Variants in DPP10 observed in about 807,000 individuals in gnomAD.
The protein encoded by DPP10 is inactive dipeptidyl peptidase 10.
Under a neutral mutation model 120.9 loss-of-function variants are expected in DPP10, and 33 were observed. The ratio of observed to expected loss-of-function variants is 0.27; its 90% CI spans 0.21 to 0.37. The LOEUF (loss-of-function observed/expected upper bound fraction) is 0.37. Ranked by LOEUF, DPP10 falls within the 10% of genes least tolerant of loss-of-function variation. The probability of loss-of-function intolerance (pLI) is 1.00; values close to 1 mark genes in which losing one functional copy is unlikely to be tolerated. For missense variants in DPP10, 816 were observed against 942.8 expected (o/e 0.87, Z 1.76); for synonymous variants, 337 against 326.1 (o/e 1.03, Z -0.36).
intron 24 of DPP10, among the ~76,000 whole-genome samples, chr2:115,840,317 TGG>T (rs199688467): frequency 0.79 from 54,752 of 69,110 alleles, 23,891 homozygotes; most frequent in East Asian, 0.97. Context: ...TAAGGTTTTT[TGG>T]TTTTTTTTTT....
chr2:114,463,601 C>G (rs978154864), intron 1 of DPP10, among the ~76,000 whole-genome samples: 2 of 152,268 alleles, frequency 1.3e-5, no homozygotes, highest in Non-Finnish European at 2.9e-5. Flanking sequence ...ACAGTTACAT[C>G]TTTTTGTCGA....
intron 1 of DPP10, among the ~76,000 whole-genome samples, chr2:114,546,507 G>C (rs1352599457): frequency 6.6e-6 from 1 of 152,190 alleles, no homozygotes; most frequent in Non-Finnish European, 1.5e-5. Flanking sequence ...GGGATAGATA[G>C]CCAAACTATA....
intron 3 of DPP10, among the ~76,000 whole-genome samples, chr2:115,458,480 A>G (rs563089890): frequency 1.3e-5 from 2 of 152,174 alleles, no homozygotes; most frequent in South Asian, 4.1e-4. Context: ...CCTCTAGTTG[A>G]ACAAAACCTT....
At chr2:115,128,028 A>G (rs912009540) in intron 1 of DPP10, among the ~76,000 whole-genome samples, 1 of 152,200 alleles carries the variant, frequency 6.6e-6, no homozygotes, top group Non-Finnish European at 1.5e-5. Context: ...AAAAGTAAGA[A>G]AATGGTTTGT....
At chr2:115,374,868 G>A (rs1274751081) in intron 3 of DPP10, among the ~76,000 whole-genome samples, 2 of 152,218 alleles carry the variant, frequency 1.3e-5, no homozygotes, top group Admixed American at 1.3e-4. Context: ...AGGCTGCACA[G>A]AGCAGCTGGC....
intron 2 of DPP10, among the ~76,000 whole-genome samples, chr2:115,331,360 A>T (rs990554207): frequency 1.3e-5 from 2 of 152,186 alleles, no homozygotes; most frequent in Admixed American, 6.6e-5. Flanking sequence ...CAATGATGTC[A>T]TCTGCAAACA....
intron 1 of DPP10, among the ~76,000 whole-genome samples, chr2:115,000,318 C>T (rs563875975): frequency 9.9e-5 from 15 of 152,060 alleles, no homozygotes; most frequent in South Asian, 8.3e-4. Flanking sequence ...GAAACAAACA[C>T]GCATAAAAAA....
At chr2:115,412,006 T>G (rs2104587239) in intron 3 of DPP10, among the ~76,000 whole-genome samples, 1 of 152,280 alleles carries the variant, frequency 6.6e-6, no homozygotes, top group Non-Finnish European at 1.5e-5. Context: ...TTTCAGACAT[T>G]TATTAATGCT....
chr2:114,897,941 A>G (rs901466087), intron 1 of DPP10, among the ~76,000 whole-genome samples: 4 of 152,066 alleles, frequency 2.6e-5, no homozygotes, highest in Non-Finnish European at 4.4e-5. Context: ...TCAGTGTGGC[A>G]ATTCCTCAGG....
chr2:115,398,021 T>G (rs572185017), intron 3 of DPP10, among the ~76,000 whole-genome samples: 1 of 152,306 alleles, frequency 6.6e-6, no homozygotes, highest in African/African-American at 2.4e-5. Context: ...AATTTGATAA[T>G]GTGATGAAAT....
intron 9 of DPP10, among the ~76,000 whole-genome samples, chr2:115,743,355 C>A (rs1677529308): frequency 6.6e-6 from 1 of 152,036 alleles, no homozygotes; most frequent in African/African-American, 2.4e-5. Context: ...ACATTGTGTG[C>A]ACAATTTTTA....
rs186380545 is a variant in DPP10, at chr2:115,235,096, G to A, written c.61-74143G>A. 4.7e-3 allele frequency among the ~76,000 whole-genome samples: 722 copies of A among 152,190 alleles called. 5 individuals carry two copies. The highest frequency in any genetic ancestry group is 0.016 in the African/African-American group (658 of 41,534). ...GTTTTTTAGCTTTCATTGTGCACTT[G>A]CTGATTTCGTTCTCAGTGTGACCTC... On this transcript the variant is annotated intron_variant, in intron 1 of 25. Transcript: ENST00000410059.
chr2:114,850,837 T>A (rs1424771803), intron 1 of DPP10, among the ~76,000 whole-genome samples: 1 of 152,170 alleles, frequency 6.6e-6, no homozygotes, highest in Admixed American at 6.5e-5. Context: ...CATTTAGTCT[T>A]CAGAATATTA....
intron 1 of DPP10, among the ~76,000 whole-genome samples, chr2:115,215,186 G>A (rs1294442962): frequency 6.6e-6 from 1 of 152,144 alleles, no homozygotes; most frequent in Non-Finnish European, 1.5e-5. Flanking sequence ...TATTCTGTAG[G>A]CTGGTAAATA....
chr2:115,635,177 C>G (rs1231978563), intron 5 of DPP10, among the ~76,000 whole-genome samples: 2 of 150,246 alleles, frequency 1.3e-5, no homozygotes, highest in Non-Finnish European at 3.0e-5. Context: ...CGCCCTTCCC[C>G]TTGAAAGCTC....
intron 1 of DPP10, among the ~76,000 whole-genome samples, chr2:114,595,754 A>C (rs1305157477): frequency 6.6e-6 from 1 of 152,120 alleles, no homozygotes; most frequent in East Asian, 1.9e-4. Context: ...AATTCTATAG[A>C]GAGCAGAGAC....
chr2:115,411,408 T>C (rs1717041), intron 3 of DPP10, among the ~76,000 whole-genome samples: 22,553 of 111,018 alleles, frequency 0.2, 2,501 homozygotes, highest in African/African-American at 0.34. Flanking sequence ...CTCAAAATTG[T>C]AGAACAACTG....
At chr2:115,427,949 A>G (rs2070632391) in intron 3 of DPP10, among the ~76,000 whole-genome samples, 1 of 152,196 alleles carries the variant, frequency 6.6e-6, no homozygotes. Flanking sequence ...AACTTCTTGA[A>G]TGCTATGCTG....
chr2:114,829,213 G>A (rs936101908), intron 1 of DPP10, among the ~76,000 whole-genome samples: 3 of 151,836 alleles, frequency 2.0e-5, no homozygotes, highest in East Asian at 3.9e-4. Context: ...TGCTTGAACC[G>A]GGGGCAGCAG....
Sources: gnomAD v4.1 joint callset for allele counts (sites outside exome capture counted in the v4.1 genomes callset) on GRCh38, gnomAD v4.1.1 for gene constraint, MANE v1.5 for transcripts, NCBI Gene and HGNC (gene_info 2026-07-23, HGNC 2026-07-21) for gene names.